Variants in DOP1A observed in about 807,000 individuals in gnomAD.
The protein encoded by DOP1A is protein DOP1A.
A neutral mutation model predicts 267.6 loss-of-function variants in DOP1A; 90 were observed. That is an observed-to-expected ratio of 0.34 (90% CI 0.28 to 0.40). The LOEUF is 0.40. DOP1A is among the 10% of genes least tolerant of loss of function. The probability of loss-of-function intolerance (pLI) is 1.00; values close to 1 mark genes in which losing one functional copy is unlikely to be tolerated. For synonymous variants in DOP1A, 932 were observed against 999.1 expected (o/e 0.93, Z 1.27); for missense variants, 2,437 against 2,900.4 (o/e 0.84, Z 3.67).
In DOP1A at chr6:83,159,870, G is replaced by C; in HGVS notation, c.6872G>C (p.Ser2291Thr). 6.2e-7 allele frequency: 1 copy of C among 1,614,076 alleles called. No homozygotes were observed. The change falls in exon 37 of 39, where the codon AGC becomes ACC. Residue 2291 changes from serine (S) to threonine (T), a missense_variant. Physicochemically the swap from Ser to Thr is moderately conservative, Grantham distance 58 (BLOSUM62 1). Coordinates refer to ENST00000349129, the MANE Select transcript of DOP1A (RefSeq NM_015018.4). ...AATGGCTTCTCTACTTCATATAACA[G>C]CCAGCGGTGGTTAAACCTCTATCTC... The part of the protein sequence containing the change: ...GGNGFSTSYN[S>T]QRWLNLYLSA...
intron 31 of DOP1A, 97 bp from the exon 32 acceptor site, chr6:83,153,797 A>C: frequency 7.6e-7 from 1 of 1,310,160 alleles, no homozygotes; most frequent in Non-Finnish European, 1.0e-6. Context: ...TCATATCTTC[A>C]TGTCACTGTC....
At chr6:83,102,626 C>G (rs1349291559) in intron 4 of DOP1A, among the ~76,000 whole-genome samples, 2 of 152,196 alleles carry the variant, frequency 1.3e-5, no homozygotes, top group Non-Finnish European at 2.9e-5. Flanking sequence ...TCGTCACTGG[C>G]CTAACATTGA....
At position 83,137,781 on chromosome 6, in the gene DOP1A, A is replaced by G. The variant is rs779093723; in HGVS notation, c.3739A>G (p.Thr1247Ala). The change falls in exon 21 of 39, where the codon ACT becomes GCT. Residue 1247 changes from threonine to alanine, a missense_variant. Coordinates refer to ENST00000349129, the MANE Select transcript of DOP1A (RefSeq NM_015018.4). ...SSPCISGTTH[T>A]LHDSSVASIE... ...ACCTTGTATTTCAGGAACCACACACACTCTTCATGACTCTTCTGTTGCTTC... is the reference window on the plus strand; with the variant it reads ...ACCTTGTATTTCAGGAACCACACACGCTCTTCATGACTCTTCTGTTGCTTC... 6 of 1,613,664 alleles carry G rather than the reference A, an allele frequency of 3.7e-6. No homozygotes were observed. Among genetic ancestry groups the G allele is most frequent in the Non-Finnish European group, 5.1e-6 (6 of 1,179,866 alleles).
chr6:83,133,322 A>G (rs974550500), intron 18 of DOP1A, among the ~76,000 whole-genome samples: 2 of 152,074 alleles, frequency 1.3e-5, no homozygotes, highest in African/African-American at 4.8e-5. Context: ...AAAGATACAC[A>G]TCCATGAAAA....
chr6:83,067,751 C>G lies in DOP1A; in HGVS notation c.-175C>G, dbSNP rs947377074. The G allele has an allele frequency of 3.5e-4, 54 of 152,414 alleles. No homozygotes were observed. The highest frequency in any genetic ancestry group is 1.3e-3 in the African/African-American group (54 of 41,592). 9.4% of individuals were successfully genotyped at this position (152,414 alleles called of 1,614,324 possible). A position where few individuals can be genotyped will look rare whatever the true frequency, so the allele number is the denominator to read the frequency against. On this transcript the variant is annotated 5_prime_UTR_variant, in exon 1 of 39. Coordinates refer to ENST00000349129, the MANE Select transcript of DOP1A (RefSeq NM_015018.4). Reference sequence around the variant, plus strand: ...TGCCGTGGTTGCCAGGAGAGCTGCGCCGGCGAGAAGCGGCCGAGCCAGCAG... The same window carrying G: ...TGCCGTGGTTGCCAGGAGAGCTGCGGCGGCGAGAAGCGGCCGAGCCAGCAG...
chr6:83,142,097 T>C, intron 24 of DOP1A, 51 bp downstream of exon 24: 1 of 1,594,014 alleles, frequency 6.3e-7, no homozygotes, highest in Non-Finnish European at 8.5e-7. Flanking sequence ...GGTGAGTACA[T>C]GCTAATTTCC....
intron 7 of DOP1A, among the ~76,000 whole-genome samples, chr6:83,114,503 A>G (rs578261676): frequency 2.0e-5 from 3 of 152,326 alleles, no homozygotes; most frequent in Middle Eastern, 3.4e-3. Flanking sequence ...AAAGCAATGT[A>G]TGTGATCTGA....
At chr6:83,068,290 G>A (rs2127923554) in intron 1 of DOP1A, among the ~76,000 whole-genome samples, 1 of 152,330 alleles carries the variant, frequency 6.6e-6, no homozygotes, top group African/African-American at 2.4e-5. Flanking sequence ...AAGGAGTACC[G>A]AAGTTTATTA....
At chr6:83,143,023 A>T (rs1369685261) in intron 24 of DOP1A, among the ~76,000 whole-genome samples, 1 of 152,176 alleles carries the variant, frequency 6.6e-6, no homozygotes, top group African/African-American at 2.4e-5. Context: ...TTCACACCAT[A>T]TTACATTATT....
At chr6:83,119,132 T>G in intron 8 of DOP1A, 145 bp downstream of exon 8, 1 of 637,614 alleles carries the variant, frequency 1.6e-6, no homozygotes, top group Non-Finnish European at 2.7e-6. Flanking sequence ...TAAACAGTAT[T>G]AGTTGTGTAT....
At position 83,100,609 on chromosome 6, in the gene DOP1A, A is replaced by G; in HGVS notation, c.139-96A>G. The G allele has an allele frequency of 3.4e-6, 3 of 880,592 alleles. No individual in the cohort carries two copies. In the East Asian group the frequency reaches 8.6e-5, roughly 25 times the overall value. The allele number at this position is 880,592 out of a possible 1,614,324, so 54.5% of individuals were successfully genotyped here. A position where few individuals can be genotyped will look rare whatever the true frequency, so the allele number is the denominator to read the frequency against. On this transcript the variant is annotated intron_variant, in intron 3 of 38. Transcript: ENST00000349129. ...TGTAGCTAACAAAACACAAAGACCTACAATGATCATTTTTTATAATACTAT... is the reference window on the plus strand; with the variant it reads ...TGTAGCTAACAAAACACAAAGACCTGCAATGATCATTTTTTATAATACTAT...
At chr6:83,144,748 T>C (rs1253832397) in intron 24 of DOP1A, among the ~76,000 whole-genome samples, 1 of 152,032 alleles carries the variant, frequency 6.6e-6, no homozygotes, top group Non-Finnish European at 1.5e-5. Flanking sequence ...GTAGTATATG[T>C]TATTTAGACG....
At chr6:83,101,840 C>T (rs537077213) in intron 4 of DOP1A, among the ~76,000 whole-genome samples, 26 of 152,116 alleles carry the variant, frequency 1.7e-4, no homozygotes, top group Admixed American at 6.5e-4. Context: ...ATTAACATAG[C>T]CATCATCTTA....
At chr6:83,073,091 C>CTT in intron 1 of DOP1A, 1 of 226,014 alleles carries the variant, frequency 4.4e-6, no homozygotes. Context: ...TTTCCTTTTT[C>CTT]TTTTTTTTTG....
chr6:83,129,408 C>G lies in DOP1A; in HGVS notation c.2241C>G (p.Phe747Leu), dbSNP rs1488142552. Reference sequence around the variant, plus strand: ...CTTCTAAAGAATACCTGTCTGCCTTCCTTGCTGCCTGTCAGCTCTTCCTAG... The same window carrying G: ...CTTCTAAAGAATACCTGTCTGCCTTGCTTGCTGCCTGTCAGCTCTTCCTAG... ...QKTSKEYLSA[F>L]LAACQLFLEC... The change falls in exon 16 of 39, where the codon TTC becomes TTG. Residue 747 changes from phenylalanine to leucine, a missense_variant. Transcript: ENST00000349129. 1.2e-6 allele frequency: 2 copies of G among 1,611,106 alleles called. No homozygotes were observed. The highest frequency in any genetic ancestry group is 1.7e-6 in the Non-Finnish European group (2 of 1,179,046).
intron 18 of DOP1A, 31 bp downstream of exon 18, chr6:83,132,359 C>T: frequency 6.4e-7 from 1 of 1,567,598 alleles, no homozygotes; most frequent in Non-Finnish European, 8.7e-7. Flanking sequence ...CACACCGCCC[C>T]CTCCGCCACA....
intron 16 of DOP1A, 32 bp from the exon 17 acceptor site, chr6:83,130,091 T>G (rs778517008): frequency 4.4e-6 from 7 of 1,601,464 alleles, no homozygotes; most frequent in Middle Eastern, 1.7e-4. Context: ...TTTAGTATAA[T>G]GAACTCTGAT....
chr6:83,123,883 C>T (rs1490262338), intron 12 of DOP1A, among the ~76,000 whole-genome samples: 2 of 152,092 alleles, frequency 1.3e-5, no homozygotes, highest in African/African-American at 2.4e-5. Context: ...CACACATCCA[C>T]ACTTCTTCAG....
intron 6 of DOP1A, among the ~76,000 whole-genome samples, chr6:83,111,194 C>T (rs770712121): frequency 1.3e-5 from 2 of 152,064 alleles, no homozygotes; most frequent in Non-Finnish European, 2.9e-5. Context: ...AGGTAATCCA[C>T]CCACCTCAGC....
Sources: gnomAD v4.1 joint callset for allele counts (sites outside exome capture counted in the v4.1 genomes callset) on GRCh38, gnomAD v4.1.1 for gene constraint, MANE v1.5 for transcripts, NCBI Gene and HGNC (gene_info 2026-07-23, HGNC 2026-07-21) for gene names.